ABLIM2: variants seen among roughly 807,000 people sequenced by gnomAD.
ABLIM2 encodes the protein actin binding LIM protein family member 2.
A neutral mutation model predicts 97.7 loss-of-function variants in ABLIM2; 53 were observed. That is an observed-to-expected ratio of 0.54 (90% CI 0.44 to 0.68). The LOEUF is 0.68. ABLIM2 is among the 30% of genes least tolerant of loss of function. The pLI is 0.00. For missense variants in ABLIM2, 835 were observed against 867.2 expected, an observed-to-expected ratio of 0.96 and a Z score of 0.47; for synonymous variants, 361 against 345.8, an observed-to-expected ratio of 1.04 and a Z score of -0.49.
In ABLIM2 at chr4:7,995,983, A is replaced by T. The variant is rs1753036376; in HGVS notation, c.1619-3056T>A. ...GGTAGCGGCAGCCCCAGGATGCCAG[A>T]CAAGGCCTCCTGCCTTGCAGTCCTG... On this transcript the variant is annotated intron_variant, in intron 16 of 20. Transcript: ENST00000447017. Among the ~76,000 whole-genome samples the T allele has an allele frequency of 3.3e-5, 5 of 152,196 alleles. No individual in the cohort carries two copies. In the South Asian group the frequency reaches 8.3e-4, roughly 25 times the overall value.
At chr4:8,070,898 G>A (rs1811541315) in intron 6 of ABLIM2, among the ~76,000 whole-genome samples, 1 of 152,140 alleles carries the variant, frequency 6.6e-6, no homozygotes, top group Admixed American at 6.5e-5. Flanking sequence ...TGCACAGACT[G>A]CACGAGGCAC....
chr4:8,089,147 G>A (rs186002712), intron 3 of ABLIM2, among the ~76,000 whole-genome samples: 3 of 152,346 alleles, frequency 2.0e-5, no homozygotes, highest in Admixed American at 1.3e-4. Flanking sequence ...AGTGCCTGGA[G>A]TGAGGCCAGG....
chr4:8,087,229 C>T lies in ABLIM2; in HGVS notation c.454+940G>A, dbSNP rs567592111. Among the ~76,000 whole-genome samples, 17 of 152,304 alleles carry T rather than the reference C, an allele frequency of 1.1e-4. No homozygotes were observed. In the East Asian group the frequency reaches 2.1e-3, roughly 19 times the overall value. The stretch of plus-strand genomic sequence containing the variant: ...TTCTGCACCAGGTGCCTGGCAGCGG[C>T]GGGGCCTGGTTTGCTGGGCTTCCCT... On this transcript the variant is annotated intron_variant, in intron 4 of 20. Coordinates refer to ENST00000447017, the MANE Select transcript of ABLIM2 (RefSeq NM_001130083.2). The surrounding 1 kb of genome is among the most constrained non-coding windows in gnomAD (Gnocchi z 4.6).
In ABLIM2 at chr4:8,149,627, C is replaced by A. The variant is rs552024336; in HGVS notation, c.10+9053G>T. Among the ~76,000 whole-genome samples, 35 of 151,920 alleles carry A rather than the reference C, an allele frequency of 2.3e-4. No individual in the cohort carries two copies. Among genetic ancestry groups the A allele is most frequent in the African/African-American group, 7.7e-4 (32 of 41,448 alleles). The stretch of plus-strand genomic sequence containing the variant: ...GGGAGCGGGGGCAGGCAGAAGGCGG[C>A]AGGAAGAATGCAAGGCTGTTGGGGG... On this transcript the variant is annotated intron_variant, in intron 1 of 20. Transcript: ENST00000447017. The surrounding 1 kb of genome is among the most constrained non-coding windows in gnomAD (Gnocchi z 6.4).
In ABLIM2 at chr4:8,071,689, A is replaced by C; in HGVS notation, c.675+5939T>G. 44 of 939,802 alleles carry C rather than the reference A, an allele frequency of 4.7e-5. No homozygotes were observed. The highest frequency in any genetic ancestry group is 4.9e-5 in the Non-Finnish European group (39 of 788,230). 58.2% of individuals were successfully genotyped at this position (939,802 alleles called of 1,614,324 possible). A position where few individuals can be genotyped will look rare whatever the true frequency, so the allele number is the denominator to read the frequency against. On this transcript the variant is annotated intron_variant, in intron 6 of 20. Coordinates refer to ENST00000447017, the MANE Select transcript of ABLIM2 (RefSeq NM_001130083.2). The surrounding 1 kb of genome is among the most constrained non-coding windows in gnomAD (Gnocchi z 6.2). The stretch of plus-strand genomic sequence containing the variant: ...TCTCACACCTGACTGCTCTGTCCCC[A>C]AAAACCCACCCACCCGCAGCCCCTC...
At chr4:8,052,300 G>C (rs1276238064) in intron 8 of ABLIM2, among the ~76,000 whole-genome samples, 1 of 152,180 alleles carries the variant, frequency 6.6e-6, no homozygotes, top group Admixed American at 6.5e-5. Context: ...CTCACAAATG[G>C]TGCGGGCCCT....
At position 8,019,032 on chromosome 4, in the gene ABLIM2, A is replaced by G. The variant is rs920691042; in HGVS notation, c.1423+586T>C. Among the ~76,000 whole-genome samples the G allele has an allele frequency of 7.9e-5, 12 of 152,188 alleles. No homozygotes were observed. Among genetic ancestry groups the G allele is most frequent in the African/African-American group, 2.7e-4 (11 of 41,442 alleles). ...ACCATGTGGCCCCGATTCCTGCTCC[A>G]TGGCCCACGCAAGCTGCTCCCTGCG... On this transcript the variant is annotated intron_variant, in intron 14 of 20. Transcript: ENST00000447017. The surrounding 1 kb of genome is among the most constrained non-coding windows in gnomAD (Gnocchi z 4.3).
In ABLIM2 at chr4:8,023,337, G is replaced by A. The variant is rs1487935111; in HGVS notation, c.1268-3034C>T. Among the ~76,000 whole-genome samples the A allele has an allele frequency of 6.6e-6, 1 of 152,228 alleles. No individual in the cohort carries two copies. Among genetic ancestry groups the A allele is most frequent in the East Asian group, 1.9e-4 (1 of 5,192 alleles). ...CGGCACGTCTCCCAAGGCTCCTCTC[G>A]GCTGCGACCTTTTGCAGACGTTCCT... On this transcript the variant is annotated intron_variant, in intron 12 of 20. Transcript: ENST00000447017. The surrounding 1 kb of genome is among the most constrained non-coding windows in gnomAD (Gnocchi z 5.7).
chr4:7,997,829 C>A (rs1187587357), intron 16 of ABLIM2, among the ~76,000 whole-genome samples: 1 of 152,106 alleles, frequency 6.6e-6, no homozygotes, highest in Non-Finnish European at 1.5e-5. Flanking sequence ...CCTTGTCAGA[C>A]AATTCCACCA....
At chr4:8,100,742 A>C (rs1834113089) in intron 2 of ABLIM2, among the ~76,000 whole-genome samples, 1 of 113,440 alleles carries the variant, frequency 8.8e-6, no homozygotes, top group African/African-American at 3.8e-5. Flanking sequence ...ATGAAACTCC[A>C]TCTCAGGAAA....
chr4:8,060,666 G>A (rs1802391951), intron 7 of ABLIM2, among the ~76,000 whole-genome samples: 1 of 152,240 alleles, frequency 6.6e-6, no homozygotes, highest in Non-Finnish European at 1.5e-5. Context: ...GGCCGTATTT[G>A]TTTAAGCTTT....
intron 2 of ABLIM2, among the ~76,000 whole-genome samples, chr4:8,105,398 CT>C (rs1272269360): frequency 6.6e-6 from 1 of 152,362 alleles, no homozygotes; most frequent in East Asian, 1.9e-4. Flanking sequence ...TTGCGCCTTC[CT>C]GGTCTTTAGA....
intron 3 of ABLIM2, among the ~76,000 whole-genome samples, chr4:8,093,218 A>G (rs1253366559): frequency 6.6e-6 from 1 of 152,198 alleles, no homozygotes; most frequent in East Asian, 1.9e-4. Context: ...ATATTTTGTA[A>G]ATAATCAATA....
intron 20 of ABLIM2, among the ~76,000 whole-genome samples, chr4:7,980,044 T>A (rs1300231422): frequency 6.6e-6 from 1 of 152,176 alleles, no homozygotes; most frequent in African/African-American, 2.4e-5. Flanking sequence ...ATTTAGCCCT[T>A]GATTAAGCCA....
In ABLIM2 at chr4:7,967,052, C is replaced by G. The variant is rs745841923; in HGVS notation, c.1876G>C (p.Glu626Gln). The G allele has an allele frequency of 2.5e-6, 4 of 1,613,942 alleles. No homozygotes were observed. In the South Asian group the frequency reaches 3.3e-5, roughly 13 times the overall value. ...TTCCAGAGGGCCAGGCGGTCAAACT[C>G]CTCGATGCTCATCCCAAACACTTCC... ...FQEVFGMSIE[E>Q]FDRLALWKRN... is the part of the protein sequence containing the mutation. The change falls in exon 21 of 21, where the codon GAG becomes CAG. Residue 626 changes from glutamate to glutamine, a missense_variant. By Grantham distance (29) the Glu-to-Gln change is conservative (BLOSUM62 2). Coordinates refer to ENST00000447017, the MANE Select transcript of ABLIM2 (RefSeq NM_001130083.2).
intron 17 of ABLIM2, among the ~76,000 whole-genome samples, chr4:7,991,154 T>C (rs907294520): frequency 9.2e-5 from 14 of 152,234 alleles, no homozygotes; most frequent in Non-Finnish European, 1.5e-4. Context: ...TGCCAGAAAG[T>C]CTGAATAGGC....
At chr4:8,006,434 C>T (rs908538837) in intron 16 of ABLIM2, among the ~76,000 whole-genome samples, 10 of 152,252 alleles carry the variant, frequency 6.6e-5, no homozygotes, top group African/African-American at 2.2e-4. Context: ...GGCCACCTGG[C>T]AAGGGAAGAA....
chr4:8,094,166 A>G (rs1401879346), intron 3 of ABLIM2, among the ~76,000 whole-genome samples: 1 of 152,206 alleles, frequency 6.6e-6, no homozygotes, highest in Non-Finnish European at 1.5e-5. Context: ...TACAAGTACC[A>G]GTGGTTTCTT....
chr4:8,106,774 C>T (rs758087379), intron 1 of ABLIM2, 137 bp from the exon 2 acceptor site: 103 of 1,097,204 alleles, frequency 9.4e-5, no homozygotes, highest in Non-Finnish European at 1.3e-4. Context: ...CACGGGGCAT[C>T]GGGGTCGGTC....
Sources: gnomAD v4.1 joint callset for allele counts (sites outside exome capture counted in the v4.1 genomes callset) on GRCh38, gnomAD v4.1.1 for gene constraint, Gnocchi (gnomAD v3.1) non-coding constraint, MANE v1.5 for transcripts, NCBI Gene and HGNC (gene_info 2026-07-23, HGNC 2026-07-21) for gene names.